Variants in CBLB observed in about 807,000 individuals in gnomAD.
CBLB encodes the protein Cbl proto-oncogene B.
A neutral mutation model predicts 104.9 loss-of-function variants in CBLB; 31 were observed. The observed-to-expected ratio is 0.30, with a 90% CI of 0.22 to 0.40. The LOEUF is 0.40. Ranked by LOEUF, CBLB falls within the 10% of genes least tolerant of loss-of-function variation. The pLI is 1.00. For missense variants in CBLB, 1,062 were observed against 1,214.6 expected (o/e 0.87, Z 1.87); for synonymous variants, 440 against 422.6 (o/e 1.04, Z -0.51).
chr3:105,844,417 T>C (rs1301417280), intron 3 of CBLB, among the ~76,000 whole-genome samples: 1 of 152,222 alleles, frequency 6.6e-6, no homozygotes, highest in African/African-American at 2.4e-5. Context: ...AAGTAATACA[T>C]TTCAATAGAA....
At chr3:105,742,518 A>G (rs918205499) in intron 6 of CBLB, among the ~76,000 whole-genome samples, 3 of 152,194 alleles carry the variant, frequency 2.0e-5, no homozygotes, top group African/African-American at 7.2e-5. Flanking sequence ...TAGGATATCA[A>G]TCTGTCAACT....
chr3:105,662,447 A>G (rs1028483431), intron 18 of CBLB, among the ~76,000 whole-genome samples: 2 of 152,186 alleles, frequency 1.3e-5, no homozygotes, highest in African/African-American at 4.8e-5. Flanking sequence ...ATTTTGGAAA[A>G]GCATGTGTTT....
chr3:105,771,791 A>G (rs1237511806), intron 4 of CBLB, among the ~76,000 whole-genome samples: 1 of 152,186 alleles, frequency 6.6e-6, no homozygotes, highest in Non-Finnish European at 1.5e-5. Flanking sequence ...CAACAGCTGA[A>G]AAAAATAAAA....
Position 105,678,517 on chromosome 3 carries a change from G to A in CBLB, c.2483C>T (p.Ala828Val), listed in dbSNP as rs1293969486. ...TGAATGTTCAATGAGACTATGCCTTGCAGGAGGTGGGGGAGGTGGGAGAGA... is the reference window on the plus strand; with the variant it reads ...TGAATGTTCAATGAGACTATGCCTTACAGGAGGTGGGGGAGGTGGGAGAGA... Reference protein sequence around the residue: ...PPSLPPPPPPARHSLIEHSKP... With the variant: ...PPSLPPPPPPVRHSLIEHSKP... The change falls in exon 17 of 19, where the codon GCA becomes GTA. Residue 828 changes from alanine to valine, a missense_variant. Transcript: ENST00000394030. The A allele has an allele frequency of 1.2e-6, 2 of 1,613,776 alleles. No homozygotes were observed. Among genetic ancestry groups the A allele is most frequent in the African/African-American group, 1.3e-5 (1 of 74,904 alleles).
At chr3:105,766,206 A>G (rs946241086) in intron 4 of CBLB, among the ~76,000 whole-genome samples, 1 of 152,200 alleles carries the variant, frequency 6.6e-6, no homozygotes, top group Non-Finnish European at 1.5e-5. Context: ...AAATCTCATA[A>G]AATTTGAACA....
intron 6 of CBLB, 52 bp downstream of exon 6, chr3:105,745,865 G>A: frequency 6.4e-7 from 1 of 1,553,768 alleles, no homozygotes; most frequent in Non-Finnish European, 8.9e-7. Flanking sequence ...AAACCATGGA[G>A]AATTTTTCAT....
intron 1 of CBLB, 79 bp from the exon 2 acceptor site, chr3:105,867,670 T>C: frequency 1.7e-6 from 2 of 1,202,842 alleles, no homozygotes; most frequent in Non-Finnish European, 2.4e-6. Flanking sequence ...GAGACTAACT[T>C]GTACCACTGC....
At chr3:105,759,298 G>A (rs2077381471) in intron 4 of CBLB, among the ~76,000 whole-genome samples, 1 of 152,138 alleles carries the variant, frequency 6.6e-6, no homozygotes, top group South Asian at 2.1e-4. Context: ...TGGTCCAAGG[G>A]CAGGCCCAGA....
chr3:105,695,786 G>A (rs955782634), intron 12 of CBLB, among the ~76,000 whole-genome samples: 1 of 151,634 alleles, frequency 6.6e-6, no homozygotes, highest in African/African-American at 2.4e-5. Context: ...GTGTACTTAC[G>A]TTTTGTCAAG....
At chr3:105,700,797 C>G (rs1371728665) in intron 12 of CBLB, among the ~76,000 whole-genome samples, 1 of 152,164 alleles carries the variant, frequency 6.6e-6, no homozygotes. Context: ...TTCCTGGCTA[C>G]CCCATATCAC....
At chr3:105,863,733 C>T (rs1269095695) in intron 2 of CBLB, among the ~76,000 whole-genome samples, 1 of 152,098 alleles carries the variant, frequency 6.6e-6, no homozygotes, top group Non-Finnish European at 1.5e-5. Context: ...GCAGGAAAAG[C>T]CTACTGGGCA....
intron 3 of CBLB, among the ~76,000 whole-genome samples, chr3:105,811,917 T>C (rs932210342): frequency 6.6e-6 from 1 of 152,206 alleles, no homozygotes; most frequent in Non-Finnish European, 1.5e-5. Flanking sequence ...TTGACCAGGC[T>C]GGTCTTGAAC....
intron 4 of CBLB, among the ~76,000 whole-genome samples, chr3:105,755,441 C>T (rs9857447): frequency 0.014 from 2,185 of 151,354 alleles, 45 homozygotes; most frequent in African/African-American, 0.05. Context: ...ATTTGAAAAT[C>T]CTGCAATTTT....
At chr3:105,687,460 T>C (rs916102451) in intron 13 of CBLB, among the ~76,000 whole-genome samples, 1 of 152,092 alleles carries the variant, frequency 6.6e-6, no homozygotes, top group Admixed American at 6.5e-5. Flanking sequence ...CAGAATGAAG[T>C]GAAAAGCAAA....
At chr3:105,771,693 A>G (rs543653509) in intron 4 of CBLB, among the ~76,000 whole-genome samples, 68 of 152,320 alleles carry the variant, frequency 4.5e-4, no homozygotes, top group Non-Finnish European at 7.6e-4. Flanking sequence ...AAGTCTCTGG[A>G]CACAAAATCA....
intron 3 of CBLB, among the ~76,000 whole-genome samples, chr3:105,822,189 A>T (rs2085965383): frequency 6.6e-6 from 1 of 152,170 alleles, no homozygotes. Flanking sequence ...TGTTGAACCA[A>T]TGTATCAACA....
intron 12 of CBLB, among the ~76,000 whole-genome samples, chr3:105,695,679 G>A (rs1489597002): frequency 6.6e-6 from 1 of 151,744 alleles, no homozygotes; most frequent in African/African-American, 2.4e-5. Flanking sequence ...CTGATGTATA[G>A]TAACTAAAGG....
chr3:105,831,512 T>G (rs907907350), intron 3 of CBLB, among the ~76,000 whole-genome samples: 1 of 152,362 alleles, frequency 6.6e-6, no homozygotes, highest in African/African-American at 2.4e-5. Context: ...AACTACAATG[T>G]TCTGACAAAA....
chr3:105,868,315 C>T (rs770076631), intron 1 of CBLB: 37 of 867,838 alleles, frequency 4.3e-5, no homozygotes, highest in Non-Finnish European at 5.2e-5. Flanking sequence ...CTCGCCTCTG[C>T]CCTCAACCCA....
Sources: allele counts gnomAD v4.1 joint callset (sites outside exome capture counted in the v4.1 genomes callset), GRCh38; gene constraint gnomAD v4.1.1; transcripts MANE v1.5; gene names NCBI Gene and HGNC (gene_info 2026-07-23, HGNC 2026-07-21).